CDKAL1: variants seen among roughly 807,000 people sequenced by gnomAD.
CDKAL1 encodes the protein threonylcarbamoyladenosine tRNA methylthiotransferase.
Under a neutral mutation model 68.2 loss-of-function variants are expected in CDKAL1, and 32 were observed. That is an observed-to-expected ratio of 0.47 (90% CI 0.35 to 0.63). The LOEUF (loss-of-function observed/expected upper bound fraction) is 0.63, where lower values mean the gene tolerates loss of function less well. Among genes scored for constraint, CDKAL1 ranks in the 30% least tolerant of loss-of-function variants. CDKAL1 has a pLI of 0.00. For synonymous variants in CDKAL1, 234 were observed against 244.3 expected, an observed-to-expected ratio of 0.96 and a Z score of 0.39; for missense variants, 606 against 696.7, an observed-to-expected ratio of 0.87 and a Z score of 1.47.
chr6:20,776,817 G>A (rs1185506514), intron 7 of CDKAL1, among the ~76,000 whole-genome samples: 1 of 152,182 alleles, frequency 6.6e-6, no homozygotes, highest in East Asian at 1.9e-4. Flanking sequence ...AACAGTGTAA[G>A]TCTGTGGTAT....
intron 11 of CDKAL1, among the ~76,000 whole-genome samples, chr6:21,020,614 T>C (rs1197652710): frequency 6.6e-6 from 1 of 151,884 alleles, no homozygotes; most frequent in Non-Finnish European, 1.5e-5. Context: ...ATTACGGGCA[T>C]GCACCACCAC....
At chr6:20,715,281 T>A (rs2127835851) in intron 5 of CDKAL1, among the ~76,000 whole-genome samples, 1 of 152,274 alleles carries the variant, frequency 6.6e-6, no homozygotes, top group Non-Finnish European at 1.5e-5. Context: ...CCCACCTTTT[T>A]AAAAAAGATT....
intron 12 of CDKAL1, among the ~76,000 whole-genome samples, chr6:21,103,478 G>A (rs990798590): frequency 2.0e-5 from 3 of 151,906 alleles, no homozygotes; most frequent in African/African-American, 7.3e-5. Flanking sequence ...TCCTTGGAGA[G>A]TGGAATATAA....
At chr6:20,798,917 CAAAAAAAAAAA>C (rs200034795) in intron 8 of CDKAL1, among the ~76,000 whole-genome samples, 7 of 103,204 alleles carry the variant, frequency 6.8e-5, no homozygotes, top group Non-Finnish European at 1.5e-4. Context: ...TATAATAATA[CAAAAAAAAAAA>C]AAAAAAGAAA....
intron 4 of CDKAL1, among the ~76,000 whole-genome samples, chr6:20,591,219 A>G (rs1406294374): frequency 6.6e-6 from 1 of 151,808 alleles, no homozygotes; most frequent in Admixed American, 6.6e-5. Flanking sequence ...TTTCTTGTAT[A>G]TTTGTTTAAG....
At chr6:21,071,365 G>A (rs2013346) in intron 12 of CDKAL1, among the ~76,000 whole-genome samples, 58,676 of 151,870 alleles carry the variant, frequency 0.39, 11,695 homozygotes, top group East Asian at 0.66. Context: ...CCTTGTGAAG[G>A]GGGTGCCTGC....
chr6:20,766,164 T>G (rs1203683219), intron 7 of CDKAL1, among the ~76,000 whole-genome samples: 2 of 152,182 alleles, frequency 1.3e-5, no homozygotes, highest in African/African-American at 2.4e-5. Flanking sequence ...AGCTTTAGTG[T>G]ATTTATCGCT....
chr6:21,171,762 G>A (rs1777398654), intron 13 of CDKAL1, among the ~76,000 whole-genome samples: 1 of 152,140 alleles, frequency 6.6e-6, no homozygotes, highest in Non-Finnish European at 1.5e-5. Context: ...GTACTATTAG[G>A]TTAAAGGGGT....
intron 6 of CDKAL1, among the ~76,000 whole-genome samples, chr6:20,750,449 G>C (rs1427409757): frequency 6.6e-6 from 1 of 152,134 alleles, no homozygotes; most frequent in African/African-American, 2.4e-5. Flanking sequence ...GGTGATTTGT[G>C]GGGGAGAGTT....
chr6:20,607,390 A>T (rs543765960), intron 4 of CDKAL1, among the ~76,000 whole-genome samples: 3 of 152,226 alleles, frequency 2.0e-5, no homozygotes, highest in African/African-American at 7.2e-5. Context: ...AATTATTCAT[A>T]GACTATCATA....
intron 5 of CDKAL1, among the ~76,000 whole-genome samples, chr6:20,705,000 T>C (rs1367276379): frequency 6.6e-6 from 1 of 152,234 alleles, no homozygotes; most frequent in Non-Finnish European, 1.5e-5. Context: ...TGCAATAATT[T>C]CTTATTGTAC....
In CDKAL1 at chr6:20,611,065, A is replaced by G. The variant is rs114130200; in HGVS notation, c.287-38228A>G. On this transcript the variant is annotated intron_variant, in intron 4 of 15. Coordinates refer to ENST00000274695, the MANE Select transcript of CDKAL1 (RefSeq NM_017774.3). Reference sequence around the variant, plus strand: ...TAGAATTTATTCTAATAGTTAAGAAATCTGGTGGCCATCTGTTTTCTTTCT... The same window carrying G: ...TAGAATTTATTCTAATAGTTAAGAAGTCTGGTGGCCATCTGTTTTCTTTCT... 2.8e-3 allele frequency among the ~76,000 whole-genome samples: 432 copies of G among 152,316 alleles called. 2 individuals carry two copies. Among genetic ancestry groups the G allele is most frequent in the African/African-American group, 9.9e-3 (413 of 41,562 alleles).
At chr6:21,198,468 A>G (rs1582401928) in intron 14 of CDKAL1, among the ~76,000 whole-genome samples, 1 of 152,218 alleles carries the variant, frequency 6.6e-6, no homozygotes, top group East Asian at 1.9e-4. Flanking sequence ...CGACAGCAGC[A>G]TGAAAGGGCA....
chr6:20,585,545 A>AT (rs553920633), intron 4 of CDKAL1, among the ~76,000 whole-genome samples: 178 of 152,304 alleles, frequency 1.2e-3, no homozygotes, highest in African/African-American at 3.8e-3. Flanking sequence ...AAGTTCACCA[A>AT]TGACCTTTGC....
At chr6:20,773,701 C>T (rs1390173425) in intron 7 of CDKAL1, among the ~76,000 whole-genome samples, 1 of 152,020 alleles carries the variant, frequency 6.6e-6, no homozygotes, top group Non-Finnish European at 1.5e-5. Context: ...GTGCCTGCCA[C>T]CACGCCCAGC....
chr6:21,144,631 CAA>C (rs59162861), intron 13 of CDKAL1, among the ~76,000 whole-genome samples: 20 of 126,778 alleles, frequency 1.6e-4, no homozygotes, highest in Admixed American at 2.4e-4. Flanking sequence ...CAAAAAATAC[CAA>C]AAAAAAAAAA....
chr6:20,847,383 G>A (rs1454140741), intron 9 of CDKAL1, among the ~76,000 whole-genome samples: 1 of 152,086 alleles, frequency 6.6e-6, no homozygotes. Flanking sequence ...AAATCTATTT[G>A]AAAAAGTCTT....
In CDKAL1 at chr6:21,160,656, C is replaced by CACGT. The variant is rs1554189726; in HGVS notation, c.1300-37365_1300-37364insACGT. Among the ~76,000 whole-genome samples the CACGT allele has an allele frequency of 4.2e-4, 54 of 127,990 alleles. No homozygotes were observed. In the East Asian group the frequency reaches 4.9e-3, roughly 12 times the overall value. 84.0% of individuals were successfully genotyped at this position (127,990 alleles called of 152,430 possible). On this transcript the variant is annotated intron_variant, in intron 13 of 15. Transcript: ENST00000274695. ...ACACAGACACACACACACACACACA[C>CACGT]GTGTGTGTGTGTGTGTGTGTGTCTG...
At chr6:21,157,361 T>G (rs1776695153) in intron 13 of CDKAL1, among the ~76,000 whole-genome samples, 1 of 152,198 alleles carries the variant, frequency 6.6e-6, no homozygotes, top group African/African-American at 2.4e-5. Context: ...TCCCAGCTAC[T>G]CAGGAGGTTG....
Sources: allele counts gnomAD v4.1 joint callset (sites outside exome capture counted in the v4.1 genomes callset), GRCh38; gene constraint gnomAD v4.1.1; transcripts MANE v1.5; gene names NCBI Gene and HGNC (gene_info 2026-07-23, HGNC 2026-07-21).